The following RMP24 variants were observed in gnomAD, a reference collection of about 807,000 sequenced individuals.
The protein encoded by RMP24 is ribonuclease MRP subunit p24.
At chr18:35,975,071 G>A in the RMP24 span, 4 of 1,613,360 alleles carry the variant, frequency 2.5e-6, no homozygotes, top group Non-Finnish European at 3.4e-6. Context: ...TGGTGAAAAA[G>A]TTCAAAGACT....
the RMP24 span, chr18:35,977,697 C>G: frequency 4.7e-6 from 6 of 1,282,982 alleles, no homozygotes; most frequent in Non-Finnish European, 6.4e-6. Flanking sequence ...CCATGCATTT[C>G]AGGACTTGGC....
the RMP24 span, chr18:35,978,799 G>C: frequency 6.6e-7 from 1 of 1,525,228 alleles, no homozygotes. Flanking sequence ...ATTGTCATTT[G>C]TTGGTATAAC....
At chr18:35,973,311 G>A in the RMP24 span, 6 of 315,168 alleles carry the variant, frequency 1.9e-5, no homozygotes, top group Admixed American at 2.7e-4. Context: ...CCAATCTCAT[G>A]GCTTTTAAAT....
chr18:35,973,075 C>T, the RMP24 span: 1 of 846,838 alleles, frequency 1.2e-6, no homozygotes, highest in African/African-American at 1.7e-5. Flanking sequence ...CTTTAATGTG[C>T]CTTGTCTTGC....
the RMP24 span, chr18:35,978,763 G>A: frequency 5.8e-6 from 8 of 1,371,648 alleles, no homozygotes; most frequent in Non-Finnish European, 7.9e-6. Context: ...CATGTATATG[G>A]CCATAATACA....
chr18:35,975,043 GT>G, the RMP24 span: 1 of 1,613,954 alleles, frequency 6.2e-7, no homozygotes, highest in Non-Finnish European at 8.5e-7. Flanking sequence ...TATACACTCA[GT>G]TTTAAAGAAG....
chr18:35,972,690 C>G, the RMP24 span: 1 of 1,574,740 alleles, frequency 6.4e-7, no homozygotes, highest in Non-Finnish European at 8.6e-7. Flanking sequence ...TATTTTCTCA[C>G]CTGGTTCCCG....
At chr18:35,972,899 C>G in the RMP24 span, 1,551 of 1,614,194 alleles carry the variant, frequency 9.6e-4, 13 homozygotes, top group African/African-American at 0.017. Context: ...GCCTACACTT[C>G]GTCGCACGGT....
chr18:35,977,194 G>T, the RMP24 span, among the ~76,000 whole-genome samples: 68 of 151,998 alleles, frequency 4.5e-4, 1 homozygote, highest in Non-Finnish European at 3.4e-4. Flanking sequence ...CTGCACTCCA[G>T]CCTGGGGACA....
At chr18:35,973,043 G>T in the RMP24 span, 5 of 1,216,426 alleles carry the variant, frequency 4.1e-6, no homozygotes, top group African/African-American at 1.5e-5. Flanking sequence ...CATGTGTCTC[G>T]GTTTCGTGAA....
At chr18:35,974,335 T>C in the RMP24 span, among the ~76,000 whole-genome samples, 1 of 152,248 alleles carries the variant, frequency 6.6e-6, no homozygotes, top group South Asian at 2.1e-4. Context: ...CACTGCTGTG[T>C]CTCCAGCACT....
the RMP24 span, chr18:35,977,725 C>T: frequency 6.6e-6 from 6 of 913,736 alleles, no homozygotes; most frequent in Non-Finnish European, 9.7e-6. Context: ...CCTCCATACC[C>T]TTTTCTAATG....
At chr18:35,979,037 G>T in the RMP24 span, 3 of 1,537,524 alleles carry the variant, frequency 2.0e-6, no homozygotes, top group Middle Eastern at 2.2e-4. Context: ...TGAAACTAAA[G>T]TTGGTAAAAC....
chr18:35,978,738 C>A, the RMP24 span: 1 of 1,060,460 alleles, frequency 9.4e-7, no homozygotes, highest in Non-Finnish European at 1.3e-6. Flanking sequence ...GATAATACAC[C>A]GAGGATAGCC....
the RMP24 span, chr18:35,978,708 TG>T: frequency 3.7e-6 from 3 of 800,756 alleles, no homozygotes; most frequent in African/African-American, 5.4e-5. Context: ...GAAATCTAAC[TG>T]AACAGGGATT....
At chr18:35,972,934 T>C in the RMP24 span, 3 of 1,614,096 alleles carry the variant, frequency 1.9e-6, no homozygotes, top group African/African-American at 4.0e-5. Context: ...TCTCTTGTGC[T>C]TTGGGCTCTT....
the RMP24 span, chr18:35,978,983 C>T: frequency 6.2e-7 from 1 of 1,600,252 alleles, no homozygotes; most frequent in South Asian, 1.1e-5. Context: ...CTTATCTTCT[C>T]TGAAGGGTGG....
At chr18:35,972,968 G>A in the RMP24 span, 7 of 1,601,444 alleles carry the variant, frequency 4.4e-6, no homozygotes, top group Admixed American at 6.7e-5. Flanking sequence ...CCTCTGTTCC[G>A]CACAACGCTC....
chr18:35,977,241 G>C, the RMP24 span, among the ~76,000 whole-genome samples: 2 of 151,886 alleles, frequency 1.3e-5, no homozygotes, highest in Admixed American at 6.6e-5. Flanking sequence ...AAAATGTCTT[G>C]TCTGATTCTC....
Sources: gnomAD v4.1 joint callset for allele counts (sites outside exome capture counted in the v4.1 genomes callset) on GRCh38, gnomAD v4.1.1 for gene constraint, MANE v1.5 for transcripts, NCBI Gene and HGNC (gene_info 2026-07-23, HGNC 2026-07-21) for gene names.